The following LRRC69 variants were observed in gnomAD, a reference collection of about 807,000 sequenced individuals.
LRRC69 encodes leucine-rich repeat-containing protein 69.
Under a neutral mutation model 37.8 loss-of-function variants are expected in LRRC69, and 42 were observed. That is an observed-to-expected ratio of 1.11 (90% CI 0.87 to 1.44). The LOEUF is 1.44. Ranked by LOEUF, LRRC69 falls within the 40% of genes most tolerant of loss-of-function variation. LRRC69 has a pLI of 0.00. For missense variants in LRRC69, 357 were observed against 401.9 expected (o/e 0.89, Z 0.96); for synonymous variants, 141 against 143.1 (o/e 0.99, Z 0.11).
intron 7 of LRRC69, chr8:91,205,459 G>T (rs937802396): frequency 1.3e-5 from 2 of 152,016 alleles, no homozygotes; most frequent in East Asian, 4.0e-4. Context: ...CTGATGCCAG[G>T]TATTCACGTC....
chr8:91,188,786 C>G (rs1809443669), intron 5 of LRRC69, among the ~76,000 whole-genome samples: 1 of 151,316 alleles, frequency 6.6e-6, no homozygotes, highest in African/African-American at 2.4e-5. Flanking sequence ...TTTAGACTTT[C>G]TCCATAGAAG....
At chr8:91,206,981 C>T in intron 7 of LRRC69, 2 of 495,124 alleles carry the variant, frequency 4.0e-6, no homozygotes, top group Non-Finnish European at 6.1e-6. Context: ...TCCCCATTTA[C>T]TTCAGCTGAA....
intron 7 of LRRC69, among the ~76,000 whole-genome samples, chr8:91,207,097 G>A (rs553174372): frequency 6.6e-6 from 1 of 152,128 alleles, no homozygotes; most frequent in Non-Finnish European, 1.5e-5. Context: ...CCAGGGCTGG[G>A]AATACAGAAC....
chr8:91,145,335 T>C (rs1013529023), intron 5 of LRRC69, among the ~76,000 whole-genome samples: 1 of 151,954 alleles, frequency 6.6e-6, no homozygotes, highest in African/African-American at 2.4e-5. Flanking sequence ...CTATCCACTT[T>C]GCTCAAATAG....
At chr8:91,136,471 T>G (rs1179682818) in intron 5 of LRRC69, among the ~76,000 whole-genome samples, 1 of 152,022 alleles carries the variant, frequency 6.6e-6, no homozygotes, top group Non-Finnish European at 1.5e-5. Context: ...GTCTATGTTT[T>G]AGAAAAAAGT....
intron 1 of LRRC69, among the ~76,000 whole-genome samples, chr8:91,118,929 A>G (rs978902687): frequency 1.3e-5 from 2 of 152,120 alleles, no homozygotes; most frequent in African/African-American, 2.4e-5. Context: ...TCATCTTCTC[A>G]GAGAGTACTT....
At chr8:91,145,637 A>C (rs13262428) in intron 5 of LRRC69, among the ~76,000 whole-genome samples, 8,094 of 151,958 alleles carry the variant, frequency 0.053, 313 homozygotes, top group Middle Eastern at 0.17. Flanking sequence ...AAAAATGGGA[A>C]ACAAGCCAAT....
chr8:91,154,242 A>C (rs1808793557), intron 5 of LRRC69, among the ~76,000 whole-genome samples: 1 of 150,572 alleles, frequency 6.6e-6, no homozygotes, highest in Admixed American at 6.6e-5. Flanking sequence ...CAACCAAAGA[A>C]AAAAAAAAGC....
At chr8:91,153,992 G>A (rs927766954) in intron 5 of LRRC69, among the ~76,000 whole-genome samples, 4 of 151,650 alleles carry the variant, frequency 2.6e-5, no homozygotes, top group Non-Finnish European at 5.9e-5. Flanking sequence ...GAAGAAAAGG[G>A]AGAAGAATCA....
At chr8:91,177,540 A>C (rs1017277293) in intron 5 of LRRC69, among the ~76,000 whole-genome samples, 4 of 152,080 alleles carry the variant, frequency 2.6e-5, no homozygotes, top group African/African-American at 9.7e-5. Flanking sequence ...AGCAAAAATG[A>C]CTCTTGCTGC....
At chr8:91,161,479 A>G (rs1808944740) in intron 5 of LRRC69, among the ~76,000 whole-genome samples, 1 of 151,192 alleles carries the variant, frequency 6.6e-6, no homozygotes, top group Non-Finnish European at 1.5e-5. Context: ...ATTACTCATT[A>G]CTGATCTGTT....
intron 1 of LRRC69, among the ~76,000 whole-genome samples, chr8:91,112,511 A>G (rs1273655174): frequency 1.3e-5 from 2 of 152,130 alleles, no homozygotes; most frequent in Non-Finnish European, 2.9e-5. Context: ...ATAGATGCAG[A>G]GAAAGCATTT....
chr8:91,138,214 AT>A (rs1196156882), intron 5 of LRRC69, among the ~76,000 whole-genome samples: 1 of 152,022 alleles, frequency 6.6e-6, no homozygotes, highest in Admixed American at 6.6e-5. Flanking sequence ...AATAAGTAAT[AT>A]ATAATTATAG....
intron 5 of LRRC69, among the ~76,000 whole-genome samples, chr8:91,139,567 A>T (rs1808497046): frequency 6.6e-6 from 1 of 150,546 alleles, no homozygotes; most frequent in Admixed American, 6.6e-5. Flanking sequence ...TATGTACAGG[A>T]GAATGGTGTG....
intron 5 of LRRC69, among the ~76,000 whole-genome samples, chr8:91,165,593 C>A (rs1809013384): frequency 6.6e-6 from 1 of 151,556 alleles, no homozygotes; most frequent in Non-Finnish European, 1.5e-5. Context: ...CGTATTTGGA[C>A]CTCAGATTTT....
intron 1 of LRRC69, among the ~76,000 whole-genome samples, chr8:91,115,898 T>C (rs1323033221): frequency 6.6e-6 from 1 of 151,860 alleles, no homozygotes; most frequent in Non-Finnish European, 1.5e-5. Flanking sequence ...ATGGAGATCC[T>C]GCCAATCCCA....
At chr8:91,199,688 AC>A (rs1554596689) in intron 6 of LRRC69, among the ~76,000 whole-genome samples, 1 of 152,134 alleles carries the variant, frequency 6.6e-6, no homozygotes, top group Non-Finnish European at 1.5e-5. Flanking sequence ...ATCCCCAAAC[AC>A]TGTTAAAATT....
intron 1 of LRRC69, among the ~76,000 whole-genome samples, chr8:91,115,852 C>A (rs1032641304): frequency 6.6e-6 from 1 of 151,854 alleles, no homozygotes; most frequent in Non-Finnish European, 1.5e-5. Context: ...TCCAGCAAGG[C>A]TGCTTCAGGT....
intron 5 of LRRC69, among the ~76,000 whole-genome samples, chr8:91,160,084 C>T (rs949152012): frequency 6.6e-6 from 1 of 151,044 alleles, no homozygotes; most frequent in Non-Finnish European, 1.5e-5. Context: ...TTGTAGGTAT[C>T]ATTGTGGAAA....
Sources: gnomAD v4.1 joint callset for allele counts (sites outside exome capture counted in the v4.1 genomes callset) on GRCh38, gnomAD v4.1.1 for gene constraint, MANE v1.5 for transcripts, NCBI Gene and HGNC (gene_info 2026-07-23, HGNC 2026-07-21) for gene names.